The following MYO9B variants were observed in gnomAD, a reference collection of about 807,000 sequenced individuals.
The protein encoded by MYO9B is myosin IXB.
In MYO9B, 71 loss-of-function variants were observed where a neutral mutation model predicts 229.5. That is an observed-to-expected ratio of 0.31 (90% CI 0.26 to 0.38). The LOEUF (loss-of-function observed/expected upper bound fraction) is 0.38, where lower values mean the gene tolerates loss of function less well. MYO9B is among the 10% of genes least tolerant of loss of function. The probability of loss-of-function intolerance (pLI) is 1.00; values close to 1 mark genes in which losing one functional copy is unlikely to be tolerated. For missense variants in MYO9B, 2,255 were observed against 2,920.5 expected, an observed-to-expected ratio of 0.77 and a Z score of 5.25; for synonymous variants, 1,185 against 1,235.8, an observed-to-expected ratio of 0.96 and a Z score of 0.86.
intron 29 of MYO9B, 85 bp downstream of exon 29, chr19:17,202,968 T>C (rs1256313319): frequency 6.7e-7 from 1 of 1,500,132 alleles, no homozygotes; most frequent in Non-Finnish European, 9.1e-7. Context: ...AATGTGCGCA[T>C]GGGCCCGTCT....
At chr19:17,114,870 G>GCAGAACCATGACA (rs2145095029) in intron 2 of MYO9B, among the ~76,000 whole-genome samples, 1 of 151,072 alleles carries the variant, frequency 6.6e-6, no homozygotes, top group African/African-American at 2.4e-5. Flanking sequence ...CCCCACTTTG[G>GCAGAACCATGACA]CAGAACCATG....
In MYO9B at chr19:17,185,305, C is replaced by T. The variant is rs375899737; in HGVS notation, c.2496+318C>T. Among the ~76,000 whole-genome samples, 22 of 149,104 alleles carry T rather than the reference C, an allele frequency of 1.5e-4. 1 individual carries two copies. The highest frequency in any genetic ancestry group is 4.5e-4 in the African/African-American group (18 of 40,328). ...AAGAGAATGGCATGAACCCGGGAGG[C>T]GGAGCTTGCAGTGAGCCGAGATGGC... On this transcript the variant is annotated intron_variant, in intron 17 of 39. Coordinates refer to ENST00000682292, the MANE Select transcript of MYO9B (RefSeq NM_004145.4).
At chr19:17,177,391 G>A (rs2072802541) in intron 14 of MYO9B, 1 of 151,672 alleles carries the variant, frequency 6.6e-6, no homozygotes, top group African/African-American at 2.4e-5. Flanking sequence ...TTGAGACCAG[G>A]CTATTGTGCA....
At position 17,147,753 on chromosome 19, in the gene MYO9B, T is replaced by C. The variant is rs2072430736; in HGVS notation, c.935+2262T>C. On this transcript the variant is annotated intron_variant, in intron 3 of 39. Transcript: ENST00000682292. ...CAGGCTGGAGTACAATGGCGTGATC[T>C]CGGCTCACCGCAACCTCTGTCTCCT... is the stretch of plus-strand genomic sequence containing the variant. Among the ~76,000 whole-genome samples, 4 of 132,572 alleles carry C rather than the reference T, an allele frequency of 3.0e-5. No individual in the cohort carries two copies. In the Admixed American group the frequency reaches 3.3e-4, roughly 11 times the overall value. The allele number at this position is 132,572 out of a possible 152,430, so 87.0% of individuals were successfully genotyped here. A position where few individuals can be genotyped will look rare whatever the true frequency, so the allele number is the denominator to read the frequency against.
intron 3 of MYO9B, among the ~76,000 whole-genome samples, chr19:17,148,634 A>C (rs2072442598): frequency 1.3e-5 from 2 of 152,086 alleles, no homozygotes; most frequent in Non-Finnish European, 2.9e-5. Flanking sequence ...CCCAGGCTGG[A>C]GTGCAGTGGT....
intron 2 of MYO9B, among the ~76,000 whole-genome samples, chr19:17,111,879 A>G (rs887357019): frequency 1.3e-5 from 2 of 151,112 alleles, no homozygotes; most frequent in Admixed American, 1.3e-4. Context: ...AATCTCTCAC[A>G]CTCTGTGGCC....
At chr19:17,087,694 C>A (rs1431671135) in intron 1 of MYO9B, among the ~76,000 whole-genome samples, 3 of 151,700 alleles carry the variant, frequency 2.0e-5, no homozygotes, top group African/African-American at 4.8e-5. Flanking sequence ...CTTTGGGAGG[C>A]CGAGGCGGGT....
chr19:17,161,909 G>A (rs1271915186), intron 8 of MYO9B, among the ~76,000 whole-genome samples: 2 of 150,702 alleles, frequency 1.3e-5, no homozygotes, highest in African/African-American at 4.9e-5. Context: ...GATTGCTTGA[G>A]CCCAGGAAGT....
At chr19:17,110,086 A>G (rs527857295) in intron 2 of MYO9B, among the ~76,000 whole-genome samples, 1 of 151,996 alleles carries the variant, frequency 6.6e-6, no homozygotes, top group East Asian at 1.9e-4. Flanking sequence ...GATCAGCACA[A>G]CTCGCTGCAT....
In MYO9B at chr19:17,210,784, G is replaced by C. The variant is rs751622389; in HGVS notation, c.5866G>C (p.Gly1956Arg). ...LEVLLEEEAA[G>R]GDEDREKEIL... ...GGTGCTGCTGGAGGAGGAGGCAGCC[G>C]GCGGCGATGAGGACCGGGAAAAGGA... The change falls in exon 38 of 40, where the codon GGC (glycine) becomes CGC (arginine). Residue 1956 changes from glycine to arginine, a missense_variant. Around this residue, in one of 7 missense-constraint regions of MYO9B, gnomAD observed 331 missense variants for 332.5 expected, o/e 1.00. Coordinates refer to ENST00000682292, the MANE Select transcript of MYO9B (RefSeq NM_004145.4). 3 of 1,585,912 alleles carry C rather than the reference G, an allele frequency of 1.9e-6. No homozygotes were observed. Among genetic ancestry groups the C allele is most frequent in the Non-Finnish European group, 2.6e-6 (3 of 1,166,644 alleles).
intron 19 of MYO9B, among the ~76,000 whole-genome samples, chr19:17,188,734 C>T (rs751925984): frequency 3.9e-5 from 6 of 152,064 alleles, no homozygotes; most frequent in East Asian, 1.9e-4. Flanking sequence ...ATGTTCTGGG[C>T]GGGTGTAGTG....
Position 17,153,312 on chromosome 19 carries a change from A to G in MYO9B, c.998+606A>G, listed in dbSNP as rs181640335. 2.6e-3 allele frequency among the ~76,000 whole-genome samples: 391 copies of G among 149,894 alleles called. 1 individual carries two copies. The highest frequency in any genetic ancestry group is 9.3e-3 in the African/African-American group (378 of 40,750). On this transcript the variant is annotated intron_variant, in intron 4 of 39. Transcript: ENST00000682292. The stretch of plus-strand genomic sequence containing the variant: ...AATTCTCATGCCTGAGGCGACTCTC[A>G]TGCCTCAGCCTCCCGAGTAGCTGGA...
intron 5 of MYO9B, 78 bp from the exon 6 acceptor site, chr19:17,154,237 G>C: frequency 6.9e-7 from 1 of 1,451,400 alleles, no homozygotes; most frequent in South Asian, 1.2e-5. Flanking sequence ...TGCCCCACCA[G>C]CTCCAGCCAA....
At chr19:17,154,265 AC>A in intron 5 of MYO9B, 49 bp from the exon 6 acceptor site, 1 of 1,561,060 alleles carries the variant, frequency 6.4e-7, no homozygotes, top group Non-Finnish European at 8.8e-7. Flanking sequence ...CTGGCACGCC[AC>A]CCTTGCCGGC....
chr19:17,212,142 C>A lies in MYO9B; in HGVS notation c.6306C>A (p.Arg2102=). Residue 2102 remains arginine, a synonymous_variant, in exon 40 of 40, where the codon CGC becomes CGA. Coordinates refer to ENST00000682292, the MANE Select transcript of MYO9B (RefSeq NM_004145.4). The surrounding 1 kb of genome is among the most constrained non-coding windows in gnomAD (Gnocchi z 5.4). ...TGCGGCGCCGGGAGCCACCTGCCCG[C>A]CGCCCGGACCAGATACATTCCGTGT... is the stretch of plus-strand genomic sequence containing the variant. The part of the protein sequence containing the change: ...APVRRREPPA[R]RPDQIHSVYI... 1 of 1,586,878 alleles carries A rather than the reference C, an allele frequency of 6.3e-7. No individual in the cohort carries two copies. Among genetic ancestry groups the A allele is most frequent in the South Asian group, 1.1e-5 (1 of 88,244 alleles).
At position 17,211,964 on chromosome 19, in the gene MYO9B, C is replaced by T. The variant is rs1405933211; in HGVS notation, c.6128C>T (p.Pro2043Leu). 1.3e-6 allele frequency: 2 copies of T among 1,577,896 alleles called. No individual in the cohort carries two copies. Among genetic ancestry groups the T allele is most frequent in the Non-Finnish European group, 1.7e-6 (2 of 1,163,220 alleles). Residue 2043 changes from proline (P) to leucine (L), a missense_variant, in exon 40 of 40, where the codon CCT (proline) becomes CTT (leucine). Pro to Leu is a moderately conservative substitution (Grantham distance 98, BLOSUM62 -3). Coordinates refer to ENST00000682292, the MANE Select transcript of MYO9B (RefSeq NM_004145.4). Reference sequence around the variant, plus strand: ...AGCCCCCTCCCCACCGTGGCCGCCCCTCCACGACGAAGGCCGTCGTCCTTC... The same window carrying T: ...AGCCCCCTCCCCACCGTGGCCGCCCTTCCACGACGAAGGCCGTCGTCCTTC... ...TPSPLPTVAA[P>L]PRRRPSSFVT...
intron 3 of MYO9B, among the ~76,000 whole-genome samples, chr19:17,151,234 C>T (rs568426045): frequency 6.6e-6 from 1 of 150,780 alleles, no homozygotes; most frequent in African/African-American, 2.4e-5. Flanking sequence ...GCTGAGATCA[C>T]GCCATTGCAC....
intron 2 of MYO9B, among the ~76,000 whole-genome samples, chr19:17,133,271 A>G (rs1444316745): frequency 6.6e-6 from 1 of 152,212 alleles, no homozygotes; most frequent in African/African-American, 2.4e-5. Context: ...GACATACTCA[A>G]CATGTTTTGT....
At chr19:17,157,577 C>CA (rs199898224) in intron 7 of MYO9B, 160 of 157,798 alleles carry the variant, frequency 1.0e-3, no homozygotes, top group East Asian at 4.9e-3. Flanking sequence ...ACAAAACAAA[C>CA]AAAAAAAAAC....
Sources: gnomAD v4.1 joint callset for allele counts (sites outside exome capture counted in the v4.1 genomes callset) on GRCh38, gnomAD v4.1.1 for gene constraint, gnomAD v4.1.1 regional missense constraint, Gnocchi (gnomAD v3.1) non-coding constraint, MANE v1.5 for transcripts, NCBI Gene and HGNC (gene_info 2026-07-23, HGNC 2026-07-21) for gene names.